SYMPK: variants seen among roughly 807,000 people sequenced by gnomAD.
The protein encoded by SYMPK is symplekin scaffold protein.
Under a neutral mutation model 136.4 loss-of-function variants are expected in SYMPK, and 49 were observed. The ratio of observed to expected loss-of-function variants is 0.36; its 90% CI spans 0.29 to 0.46. The LOEUF is 0.46. Among genes scored for constraint, SYMPK ranks in the 20% least tolerant of loss-of-function variants. The pLI is 1.00. For synonymous variants in SYMPK, 766 were observed against 713.0 expected (o/e 1.07, Z -1.19); for missense variants, 1,365 against 1,690.0 (o/e 0.81, Z 3.37).
intron 16 of SYMPK, among the ~76,000 whole-genome samples, chr19:45,826,723 C>CA (rs1971051148): frequency 6.6e-6 from 1 of 152,312 alleles, no homozygotes; most frequent in South Asian, 2.1e-4. Context: ...CTGTTTCACT[C>CA]AGATATCATC....
chr19:45,824,471 A>C (rs1019680552), intron 18 of SYMPK, among the ~76,000 whole-genome samples: 6 of 152,286 alleles, frequency 3.9e-5, no homozygotes, highest in Middle Eastern at 3.4e-3. Flanking sequence ...AATGGGGCTA[A>C]AAATCTGTTT....
intron 3 of SYMPK, 151 bp downstream of exon 3, chr19:45,854,024 A>G: frequency 1.4e-6 from 1 of 729,804 alleles, no homozygotes; most frequent in Non-Finnish European, 2.4e-6. Context: ...CTTTCATGAG[A>G]ACTAGAAGAG....
At chr19:45,835,329 C>A in intron 10 of SYMPK, 101 bp from the exon 11 acceptor site, 1 of 1,196,332 alleles carries the variant, frequency 8.4e-7, no homozygotes, top group South Asian at 1.9e-5. Flanking sequence ...TGCCTAAGAC[C>A]GACTTGGGCC....
intron 7 of SYMPK, 29 bp downstream of exon 7, chr19:45,847,723 C>T: frequency 1.3e-6 from 2 of 1,594,100 alleles, no homozygotes; most frequent in Non-Finnish European, 1.7e-6. Flanking sequence ...GCAGGGCTGT[C>T]AGGGGTGGCA....
chr19:45,835,018 G>T, intron 11 of SYMPK, 60 bp downstream of exon 11: 1 of 1,427,968 alleles, frequency 7.0e-7, no homozygotes. Flanking sequence ...TTCCAGTAAG[G>T]AGAACCCAGA....
intron 10 of SYMPK, among the ~76,000 whole-genome samples, chr19:45,838,124 C>T (rs1405304186): frequency 2.0e-5 from 3 of 151,920 alleles, no homozygotes; most frequent in African/African-American, 4.8e-5. Context: ...TTCAGGATAG[C>T]GAGTTGTCAC....
At chr19:45,827,978 CCTG>C in intron 14 of SYMPK, 60 bp from the exon 15 acceptor site, 1 of 1,535,984 alleles carries the variant, frequency 6.5e-7, no homozygotes. Context: ...GCTCCCGGGC[CCTG>C]CTGAATTGTA....
chr19:45,822,282 C>T (rs925193319), intron 21 of SYMPK, among the ~76,000 whole-genome samples: 4 of 152,082 alleles, frequency 2.6e-5, no homozygotes, highest in African/African-American at 9.7e-5. Context: ...CCACGCCTGG[C>T]TAATTTTTTG....
chr19:45,827,355 A>AACAG (rs1555793893), intron 16 of SYMPK, among the ~76,000 whole-genome samples, 155 bp downstream of exon 16: 3 of 151,458 alleles, frequency 2.0e-5, no homozygotes, highest in Admixed American at 6.6e-5. Context: ...ATGAAAATAA[A>AACAG]ACAGACAGAA....
chr19:45,816,788 G>T lies in SYMPK; in HGVS notation c.3258+10C>A, dbSNP rs182998948. ...GGGGGGAAAGGGTACCTGGTGGGGGGAAGGGGTACCTGGTGGGGGGTGAAG... is the reference window on the plus strand; with the variant it reads ...GGGGGGAAAGGGTACCTGGTGGGGGTAAGGGGTACCTGGTGGGGGGTGAAG... On this transcript the variant is annotated intron_variant, in intron 24 of 26. Transcript: ENST00000245934. The T allele has an allele frequency of 8.1e-4, 1,231 of 1,521,758 alleles. 4 individuals carry two copies. Among genetic ancestry groups the T allele is most frequent in the South Asian group, 1.9e-3 (160 of 82,312 alleles). 94.3% of individuals were successfully genotyped at this position (1,521,758 alleles called of 1,614,324 possible). A position where few individuals can be genotyped will look rare whatever the true frequency, so the allele number is the denominator to read the frequency against.
chr19:45,824,326 C>T (rs1054090970), intron 18 of SYMPK, among the ~76,000 whole-genome samples: 6 of 152,192 alleles, frequency 3.9e-5, no homozygotes, highest in Admixed American at 2.6e-4. Context: ...GAGCCAGGGC[C>T]AGGCTCCACC....
chr19:45,816,506 C>T lies in SYMPK; in HGVS notation c.3330G>A (p.Glu1110=). 6.2e-7 allele frequency: 1 copy of T among 1,613,346 alleles called. No homozygotes were observed. Among genetic ancestry groups the T allele is most frequent in the East Asian group, 2.2e-5 (1 of 44,842 alleles). The change falls in exon 25 of 27, where the codon GAG becomes GAA. Residue 1110 remains glutamate, a synonymous_variant. Transcript: ENST00000245934. The part of the protein sequence containing the change: ...ASGKQEPEAK[E]APAGPLEEDD... ...CCTCCTCCAAGGGCCCCGCAGGCGC[C>T]TCCTTGGCCTCTGGCTCCTGCTTGC...
At chr19:45,823,985 A>G in intron 18 of SYMPK, 110 bp from the exon 19 acceptor site, 2 of 624,498 alleles carry the variant, frequency 3.2e-6, no homozygotes, top group Admixed American at 4.7e-5. Flanking sequence ...GGTGAGACTG[A>G]GGTGACAGGG....
At chr19:45,831,169 A>ATT (rs10714046) in intron 12 of SYMPK, 155 of 342,722 alleles carry the variant, frequency 4.5e-4, no homozygotes, top group Middle Eastern at 7.4e-4. Flanking sequence ...ATAAAAAAGG[A>ATT]TTTTTTTTTT....
At chr19:45,837,214 CATTACAAACAT>C (rs1353426434) in intron 10 of SYMPK, among the ~76,000 whole-genome samples, 2 of 152,166 alleles carry the variant, frequency 1.3e-5, no homozygotes, top group Non-Finnish European at 2.9e-5. Context: ...AAAAGGGGCA[CATTACAAACAT>C]ATGGTATTTT....
chr19:45,831,170 T>C, intron 12 of SYMPK: 1 of 13,174 alleles, frequency 7.6e-5, no homozygotes, highest in South Asian at 2.4e-3. Context: ...TAAAAAAGGA[T>C]TTTTTTTTTT....
chr19:45,833,317 T>G (rs1415300429), intron 11 of SYMPK, among the ~76,000 whole-genome samples: 1 of 152,052 alleles, frequency 6.6e-6, no homozygotes, highest in Non-Finnish European at 1.5e-5. Flanking sequence ...TAGGTAAAAC[T>G]AGGGCCGGGC....
At chr19:45,861,342 A>T (rs1971962987) in intron 1 of SYMPK, among the ~76,000 whole-genome samples, 1 of 152,114 alleles carries the variant, frequency 6.6e-6, no homozygotes, top group African/African-American at 2.4e-5. Context: ...TTTTAAACAC[A>T]CATACACAAA....
At chr19:45,824,855 T>C (rs1243580721) in intron 18 of SYMPK, among the ~76,000 whole-genome samples, 1 of 152,210 alleles carries the variant, frequency 6.6e-6, no homozygotes, top group African/African-American at 2.4e-5. Context: ...CCTGAGTTCA[T>C]GGACTCCTTG....
Sources: gnomAD v4.1 joint callset for allele counts (sites outside exome capture counted in the v4.1 genomes callset) on GRCh38, gnomAD v4.1.1 for gene constraint, MANE v1.5 for transcripts, NCBI Gene and HGNC (gene_info 2026-07-23, HGNC 2026-07-21) for gene names.